The following BTG4 variants were observed in gnomAD, a reference collection of about 807,000 sequenced individuals.
BTG4 encodes BTG anti-proliferation factor 4.
A neutral mutation model predicts 19.3 loss-of-function variants in BTG4; 10 were observed. The observed-to-expected ratio is 0.52, with a 90% CI of 0.32 to 0.88. The LOEUF (loss-of-function observed/expected upper bound fraction) is 0.88, where lower values mean the gene tolerates loss of function less well. BTG4 is among the 40% of genes least tolerant of loss of function. BTG4 has a pLI of 0.04. For missense variants in BTG4, 238 were observed against 281.9 expected, an observed-to-expected ratio of 0.84 and a Z score of 1.11; for synonymous variants, 91 against 95.7, an observed-to-expected ratio of 0.95 and a Z score of 0.29.
the BTG4 span, among the ~76,000 whole-genome samples, chr11:111,391,309 C>G: frequency 6.6e-6 from 1 of 152,144 alleles, no homozygotes; most frequent in Non-Finnish European, 1.5e-5. Context: ...GAGTCTTGAG[C>G]CAACACACCC....
the BTG4 span, chr11:111,384,804 AACAAC>A: frequency 1.3e-5 from 2 of 152,174 alleles, no homozygotes; most frequent in Non-Finnish European, 2.9e-5. Context: ...ATTCATCCAT[AACAAC>A]ACAAAACAAA....
At chr11:111,410,258 C>T in the BTG4 span, among the ~76,000 whole-genome samples, 1 of 152,004 alleles carries the variant, frequency 6.6e-6, no homozygotes. Context: ...TGCACAGCAT[C>T]ACACCCAGCT....
At chr11:111,471,560 T>TCC (rs1301300003) in intron 5 of BTG4, among the ~76,000 whole-genome samples, 1 of 152,160 alleles carries the variant, frequency 6.6e-6, no homozygotes, top group Non-Finnish European at 1.5e-5. Flanking sequence ...TTCTCAGTCT[T>TCC]CTTTGCTGAT....
the BTG4 span, among the ~76,000 whole-genome samples, chr11:111,428,592 C>A: frequency 6.6e-6 from 1 of 152,178 alleles, no homozygotes; most frequent in South Asian, 2.1e-4. Context: ...TCTTCCTGAT[C>A]CAAATTAAAT....
chr11:111,497,097 A>G (rs1343126924), intron 4 of BTG4, 114 bp downstream of exon 4: 2 of 1,074,182 alleles, frequency 1.9e-6, no homozygotes, highest in Non-Finnish European at 2.7e-6. Context: ...GGCTTTTAAA[A>G]ATCTACAGTT....
Position 111,495,129 on chromosome 11 carries a change from G to A in BTG4, c.*6C>T, listed in dbSNP as rs776579312. 13 of 1,521,684 alleles carry A rather than the reference G, an allele frequency of 8.5e-6. No homozygotes were observed. Among genetic ancestry groups the A allele is most frequent in the East Asian group, 2.4e-5 (1 of 41,966 alleles). The allele number at this position is 1,521,684 out of a possible 1,614,324, so 94.3% of individuals were successfully genotyped here. On this transcript the variant is annotated 3_prime_UTR_variant, in exon 5 of 5. Transcript: ENST00000692032. The stretch of plus-strand genomic sequence containing the variant: ...GCTCTTGCCCACCACGTGCCCAGTC[G>A]CTGCGTCATCGGTGTGTGTTGACCC...
chr11:111,471,266 G>A (rs1010421091), intron 5 of BTG4, among the ~76,000 whole-genome samples: 19 of 152,272 alleles, frequency 1.2e-4, no homozygotes, highest in African/African-American at 4.6e-4. Flanking sequence ...TAGATTTCCT[G>A]AATCCTGCTA....
the BTG4 span, among the ~76,000 whole-genome samples, chr11:111,415,164 T>C: frequency 6.6e-6 from 1 of 152,146 alleles, no homozygotes; most frequent in Non-Finnish European, 1.5e-5. Context: ...CCTCACCCAG[T>C]GCAGAACACA....
chr11:111,384,388 G>T, the BTG4 span, among the ~76,000 whole-genome samples: 1 of 151,802 alleles, frequency 6.6e-6, no homozygotes, highest in Non-Finnish European at 1.5e-5. Context: ...CAAACACTTG[G>T]ATACGTTATA....
chr11:111,384,252 A>G, the BTG4 span, among the ~76,000 whole-genome samples: 1 of 152,100 alleles, frequency 6.6e-6, no homozygotes, highest in Admixed American at 6.5e-5. Flanking sequence ...ATGACAAGTA[A>G]TAATGCTAAT....
the BTG4 span, chr11:111,455,007 CCAG>C: frequency 2.2e-6 from 1 of 456,510 alleles, no homozygotes; most frequent in Non-Finnish European, 4.4e-6. Flanking sequence ...CCCGTTCTCT[CCAG>C]CAGCTGTGGG....
the BTG4 span, among the ~76,000 whole-genome samples, chr11:111,444,558 A>C: frequency 6.6e-6 from 1 of 152,174 alleles, no homozygotes; most frequent in African/African-American, 2.4e-5. Flanking sequence ...GGGTGACTAT[A>C]GTCGATAATA....
chr11:111,383,835 A>G, the BTG4 span, among the ~76,000 whole-genome samples: 1 of 152,242 alleles, frequency 6.6e-6, no homozygotes, highest in African/African-American at 2.4e-5. Flanking sequence ...TCATTATAAA[A>G]TTAATTTGGT....
At chr11:111,467,236 G>T (rs909807554), downstream of BTG4, among the ~76,000 whole-genome samples, 5 of 152,086 alleles carry the variant, frequency 3.3e-5, no homozygotes, top group Non-Finnish European at 7.4e-5. Flanking sequence ...CAGACACAGT[G>T]GTTACATAAA....
the BTG4 span, among the ~76,000 whole-genome samples, chr11:111,435,317 G>A: frequency 6.6e-6 from 1 of 151,786 alleles, no homozygotes; most frequent in African/African-American, 2.4e-5. Flanking sequence ...GGGGTAGTGA[G>A]AGAGAATCCA....
At chr11:111,470,918 G>A (rs1352551144) in intron 5 of BTG4, among the ~76,000 whole-genome samples, 1 of 152,116 alleles carries the variant, frequency 6.6e-6, no homozygotes, top group Non-Finnish European at 1.5e-5. Flanking sequence ...AACAGAGTGA[G>A]ATCCTATCTC....
At chr11:111,420,994 G>T in the BTG4 span, among the ~76,000 whole-genome samples, 5 of 152,172 alleles carry the variant, frequency 3.3e-5, no homozygotes, top group African/African-American at 1.2e-4. Flanking sequence ...AAAGGTGAGA[G>T]TAAATTACCT....
the BTG4 span, among the ~76,000 whole-genome samples, chr11:111,402,378 T>A: frequency 6.6e-6 from 1 of 152,256 alleles, no homozygotes; most frequent in Non-Finnish European, 1.5e-5. Flanking sequence ...TTTTATTACA[T>A]GTTATTTTGT....
At chr11:111,435,697 C>G in the BTG4 span, among the ~76,000 whole-genome samples, 1 of 152,160 alleles carries the variant, frequency 6.6e-6, no homozygotes, top group Non-Finnish European at 1.5e-5. Flanking sequence ...AAACGTAGAT[C>G]CCCAAGGGGA....
Sources: allele counts gnomAD v4.1 joint callset (sites outside exome capture counted in the v4.1 genomes callset), GRCh38; gene constraint gnomAD v4.1.1; transcripts MANE v1.5; gene names NCBI Gene and HGNC (gene_info 2026-07-23, HGNC 2026-07-21).